SLC9A8: variants seen among roughly 807,000 people sequenced by gnomAD.
The protein encoded by SLC9A8 is sodium/hydrogen exchanger 8.
In SLC9A8, 48 loss-of-function variants were observed where a neutral mutation model predicts 66.6. The observed-to-expected ratio is 0.72, with a 90% CI of 0.57 to 0.92. The LOEUF (loss-of-function observed/expected upper bound fraction) is 0.92, where lower values mean the gene tolerates loss of function less well. Ranked by LOEUF, SLC9A8 falls within the 40% of genes least tolerant of loss-of-function variation. The pLI, the probability that SLC9A8 is intolerant of heterozygous loss-of-function variation, is 0.00. For synonymous variants in SLC9A8, 274 were observed against 282.6 expected (o/e 0.97, Z 0.31); for missense variants, 599 against 747.3 (o/e 0.80, Z 2.31).
At chr20:49,829,589 T>C in intron 3 of SLC9A8, 1 of 381,484 alleles carries the variant, frequency 2.6e-6, no homozygotes, top group Non-Finnish European at 5.2e-6. Context: ...CATAAGATCA[T>C]GCCTGGATTA....
chr20:49,881,355 G>T (rs534970517), intron 13 of SLC9A8, among the ~76,000 whole-genome samples: 2 of 152,174 alleles, frequency 1.3e-5, no homozygotes, highest in African/African-American at 4.8e-5. Flanking sequence ...CCTCCCTGGG[G>T]GTCTTCTAGG....
At chr20:49,840,557 A>T (rs898800321) in intron 4 of SLC9A8, among the ~76,000 whole-genome samples, 3 of 152,224 alleles carry the variant, frequency 2.0e-5, no homozygotes. Context: ...TGAAGCTGTT[A>T]TAAATAGTAG....
intron 4 of SLC9A8, 72 bp from the exon 5 acceptor site, chr20:49,844,964 C>T: frequency 9.4e-7 from 1 of 1,065,872 alleles, no homozygotes; most frequent in Non-Finnish European, 1.5e-6. Context: ...ATTATTTTGG[C>T]TCTTTATTGA....
chr20:49,841,791 C>T (rs140335483), intron 4 of SLC9A8, among the ~76,000 whole-genome samples: 10 of 151,978 alleles, frequency 6.6e-5, no homozygotes, highest in African/African-American at 2.4e-4. Flanking sequence ...GACAGGGTCT[C>T]ACCATGTTAG....
At chr20:49,876,482 C>G (rs1277008973) in intron 11 of SLC9A8, among the ~76,000 whole-genome samples, 1 of 152,198 alleles carries the variant, frequency 6.6e-6, no homozygotes, top group Non-Finnish European at 1.5e-5. Context: ...CAGTCCAACC[C>G]TGTGGAATTT....
rs2087163529 is a variant in SLC9A8 at position 49,831,069 on chromosome 20, G to A, written c.289+7928G>A. 3 of 700,394 alleles carry A rather than the reference G, an allele frequency of 4.3e-6. No homozygotes were observed. The East Asian group carries it at 8.1e-5, about 19-fold the overall frequency. The allele number at this position is 700,394 out of a possible 1,614,324, so 43.4% of individuals were successfully genotyped here. ...TCCAACAATATGTCCGCTGTGTCCT[G>A]AGCCTGCATACACTAAGCCGTCGGA... On this transcript the variant is annotated intron_variant, in intron 3 of 15. Transcript: ENST00000361573.
At chr20:49,870,816 C>T (rs973246909) in intron 10 of SLC9A8, among the ~76,000 whole-genome samples, 7 of 152,242 alleles carry the variant, frequency 4.6e-5, no homozygotes, top group Non-Finnish European at 1.0e-4. Context: ...GATCCTTCCA[C>T]CTCAGCCTCC....
In SLC9A8 at chr20:49,891,409, G is replaced by C. The variant is rs569575712; in HGVS notation, c.*3473G>C. The C allele has an allele frequency of 6.6e-6, 1 of 152,170 alleles. No individual in the cohort carries two copies. The highest frequency in any genetic ancestry group is 1.5e-5 in the Non-Finnish European group (1 of 68,086). The allele number at this position is 152,170 out of a possible 1,614,324, so 9.4% of individuals were successfully genotyped here. ...CCTCCATCTCACAGTCAAGATAAAG[G>C]CCTCGAGAATAAAGAGCCAGCCCCC... On this transcript the variant is annotated 3_prime_UTR_variant, in exon 16 of 16. Coordinates refer to ENST00000361573, the MANE Select transcript of SLC9A8 (RefSeq NM_015266.3).
chr20:49,823,566 C>T (rs568844178), intron 3 of SLC9A8, among the ~76,000 whole-genome samples: 85 of 152,282 alleles, frequency 5.6e-4, no homozygotes, highest in African/African-American at 1.8e-3. Flanking sequence ...AAATGGCTCA[C>T]TTAATGCCAG....
chr20:49,851,503 C>G (rs910285964), intron 7 of SLC9A8, among the ~76,000 whole-genome samples: 2 of 152,212 alleles, frequency 1.3e-5, no homozygotes, highest in Admixed American at 6.5e-5. Flanking sequence ...GACAGCCTTG[C>G]TCAGTGTGTC....
intron 3 of SLC9A8, chr20:49,829,663 A>G (rs1331585961): frequency 2.1e-6 from 1 of 470,968 alleles, no homozygotes; most frequent in East Asian, 5.0e-5. Flanking sequence ...CACAAGGGTA[A>G]ACTATTCCAG....
rs1289564513 is a variant in SLC9A8 at position 49,884,006 on chromosome 20, G to A, written c.1431G>A (p.Glu477=). Residue 477 remains glutamate, a synonymous_variant, in exon 14 of 16, where the codon GAG becomes GAA. Transcript: ENST00000361573. ...TMPLIRLMDI[E]DAKAHRRNKK... Reference sequence around the variant, plus strand: ...CCCTCATTCGCCTCATGGACATCGAGGACGCCAAGGCACACCGCAGGAACA... The same window carrying A: ...CCCTCATTCGCCTCATGGACATCGAAGACGCCAAGGCACACCGCAGGAACA... 6.2e-7 allele frequency: 1 copy of A among 1,613,596 alleles called. No individual in the cohort carries two copies. Among genetic ancestry groups the A allele is most frequent in the South Asian group, 1.1e-5 (1 of 91,076 alleles).
At chr20:49,860,469 C>T (rs2088685456) in intron 8 of SLC9A8, among the ~76,000 whole-genome samples, 1 of 152,108 alleles carries the variant, frequency 6.6e-6, no homozygotes, top group African/African-American at 2.4e-5. Context: ...GTAATCCCAG[C>T]ACTTTGGGAG....
intron 7 of SLC9A8, among the ~76,000 whole-genome samples, chr20:49,853,834 T>G (rs1244351848): frequency 6.6e-6 from 1 of 152,156 alleles, no homozygotes; most frequent in Non-Finnish European, 1.5e-5. Flanking sequence ...CCGGAGGCAC[T>G]CTGGGTTAAT....
chr20:49,868,155 C>G (rs1166417309), intron 10 of SLC9A8, among the ~76,000 whole-genome samples: 1 of 152,180 alleles, frequency 6.6e-6, no homozygotes, highest in African/African-American at 2.4e-5. Flanking sequence ...TCATTGAGTA[C>G]CTGTTGGCAA....
rs1169899094 is a variant in SLC9A8 at position 49,834,388 on chromosome 20, GTATATATATATAC to G, written c.290-5151_290-5139del. On this transcript the variant is annotated intron_variant, in intron 3 of 15. Transcript: ENST00000361573. The stretch of plus-strand genomic sequence containing the variant: ...TACTGTGTATATATATATATACTGT[GTATATATATATAC>G]TGTGTATATATATATACTGTATATA... Among the ~76,000 whole-genome samples the G allele has an allele frequency of 3.6e-4, 21 of 58,844 alleles. 1 individual carries two copies. Among genetic ancestry groups the G allele is most frequent in the East Asian group, 6.4e-4 (2 of 3,146 alleles). The allele number at this position is 58,844 out of a possible 152,430, so 38.6% of individuals were successfully genotyped here. A position where few individuals can be genotyped will look rare whatever the true frequency, so the allele number is the denominator to read the frequency against.
chr20:49,869,309 TC>T (rs2146699337), intron 10 of SLC9A8, among the ~76,000 whole-genome samples: 2 of 152,218 alleles, frequency 1.3e-5, no homozygotes, highest in East Asian at 3.9e-4. Context: ...GACCTCTGCC[TC>T]CCAGGTTCAA....
intron 3 of SLC9A8, among the ~76,000 whole-genome samples, chr20:49,832,734 T>A (rs925128661): frequency 2.0e-5 from 3 of 151,900 alleles, no homozygotes; most frequent in Non-Finnish European, 4.4e-5. Context: ...GAAACATTTC[T>A]GTTTGAACAC....
chr20:49,829,881 G>A, intron 3 of SLC9A8: 1 of 570,136 alleles, frequency 1.8e-6, no homozygotes, highest in South Asian at 1.4e-5. Flanking sequence ...GTGTCTTCGG[G>A]CTCTTCAGAG....
Sources: gnomAD v4.1 joint callset for allele counts (sites outside exome capture counted in the v4.1 genomes callset) on GRCh38, gnomAD v4.1.1 for gene constraint, MANE v1.5 for transcripts, NCBI Gene and HGNC (gene_info 2026-07-23, HGNC 2026-07-21) for gene names.